Variants in ATXN3 observed in about 807,000 individuals in gnomAD.
ATXN3 encodes ataxin-3.
A neutral mutation model predicts 58.2 loss-of-function variants in ATXN3; 28 were observed. The ratio of observed to expected loss-of-function variants is 0.48; its 90% CI spans 0.36 to 0.66. The LOEUF is 0.66. Ranked by LOEUF, ATXN3 falls within the 30% of genes least tolerant of loss-of-function variation. The pLI is 0.00. For missense variants in ATXN3, 321 were observed against 422.1 expected, an observed-to-expected ratio of 0.76 and a Z score of 2.10; for synonymous variants, 113 against 138.5, an observed-to-expected ratio of 0.82 and a Z score of 1.29.
chr14:92,100,866 A>G (rs1337591126), intron 1 of ATXN3, among the ~76,000 whole-genome samples: 6 of 152,142 alleles, frequency 3.9e-5, no homozygotes, highest in Admixed American at 6.5e-5. Context: ...TCCTCTCTGT[A>G]TTGTATCTAA....
intron 6 of ATXN3, among the ~76,000 whole-genome samples, chr14:92,084,165 T>C (rs1595776239): frequency 6.6e-6 from 1 of 152,226 alleles, no homozygotes; most frequent in Non-Finnish European, 1.5e-5. Flanking sequence ...TACGAGTCGA[T>C]ACTCCTTAAT....
At chr14:92,055,939 TGACAGAAC>T (rs1312871498), downstream of ATXN3, among the ~76,000 whole-genome samples, 71 of 152,198 alleles carry the variant, frequency 4.7e-4, no homozygotes, top group African/African-American at 1.6e-3. The surrounding 1 kb of genome is among the most constrained non-coding windows in gnomAD (Gnocchi z 4.5). Flanking sequence ...CCAGCTTAGG[TGACAGAAC>T]GAGGCCCTGT....
At chr14:92,053,709 A>G (rs1165146887), downstream of ATXN3, among the ~76,000 whole-genome samples, 1 of 151,796 alleles carries the variant, frequency 6.6e-6, no homozygotes, top group Admixed American at 6.6e-5. Context: ...GTGTTGCTCA[A>G]GCTGGTCTCA....
At chr14:92,083,311 T>C (rs2061803709) in intron 6 of ATXN3, 53 bp from the exon 7 acceptor site, 6 of 1,527,932 alleles carry the variant, frequency 3.9e-6, no homozygotes, top group Non-Finnish European at 5.3e-6. Flanking sequence ...AGATTCAAAA[T>C]TGATGTAAAA....
intron 7 of ATXN3, among the ~76,000 whole-genome samples, chr14:92,082,870 G>C (rs983483082): frequency 6.6e-6 from 1 of 152,000 alleles, no homozygotes; most frequent in Middle Eastern, 3.4e-3. Flanking sequence ...GGCTGGTCTC[G>C]AACTCCTGGG....
intron 9 of ATXN3, among the ~76,000 whole-genome samples, chr14:92,073,377 T>C (rs1276621517): frequency 6.6e-6 from 1 of 152,008 alleles, no homozygotes; most frequent in African/African-American, 2.4e-5. Flanking sequence ...CAAGTAGGAT[T>C]CTGGTTACAA....
chr14:92,088,513 G>C (rs892043036), intron 6 of ATXN3, among the ~76,000 whole-genome samples: 2 of 152,200 alleles, frequency 1.3e-5, no homozygotes, highest in Non-Finnish European at 2.9e-5. Context: ...TAGAAGGGCT[G>C]CAAAGAAAGC....
At chr14:92,093,667 T>C in intron 4 of ATXN3, 79 bp downstream of exon 4, 6 of 1,120,542 alleles carry the variant, frequency 5.4e-6, no homozygotes, top group South Asian at 1.4e-5. Flanking sequence ...TCAAAATGTA[T>C]TTCTCTTCTT....
At chr14:92,106,241 C>G (rs992411253) in intron 1 of ATXN3, among the ~76,000 whole-genome samples, 13 of 152,216 alleles carry the variant, frequency 8.5e-5, no homozygotes, top group African/African-American at 3.1e-4. Context: ...CGGAGAAAGG[C>G]AGAAGCAAAC....
In ATXN3 at chr14:92,071,034, GTTGCTGCTT is replaced by G; in HGVS notation, c.883_891del (p.Lys295_Gln297del). 1 of 1,606,384 alleles carries G rather than the reference GTTGCTGCTT, an allele frequency of 6.2e-7. No individual in the cohort carries two copies. Among genetic ancestry groups the G allele is most frequent in the South Asian group, 1.1e-5 (1 of 90,590 alleles). Reference sequence around the variant, plus strand: ...CCCTGCTGCTGCTGCTGCTGCTGCTGTTGCTGCTTTTGCTGCTGTCTGAAACATTCAAAA... The same window carrying G: ...CCCTGCTGCTGCTGCTGCTGCTGCTGTTGCTGCTGTCTGAAACATTCAAAA... On this transcript the variant is annotated inframe_deletion, in exon 10 of 11. Transcript: ENST00000644486.
chr14:92,069,889 A>G (rs1399693586), intron 10 of ATXN3, among the ~76,000 whole-genome samples: 1 of 152,038 alleles, frequency 6.6e-6, no homozygotes, highest in African/African-American at 2.4e-5. Context: ...TGTCAGTTTT[A>G]TTTCTTCATT....
downstream of ATXN3, among the ~76,000 whole-genome samples, chr14:92,053,686 ATGAGGTCTCCCTGTGT>A (rs1300714475): frequency 2.0e-5 from 3 of 151,714 alleles, no homozygotes; most frequent in Admixed American, 6.6e-5. Flanking sequence ...TCTTGTAGAG[ATGAGGTCTCCCTGTGT>A]TGCTCAAGCT....
rs146481848 is a variant in ATXN3, at chr14:92,083,260, T to TA, written c.476-3dup. 2,879 of 1,226,336 alleles carry TA rather than the reference T, an allele frequency of 2.3e-3. No individual in the cohort carries two copies. Among genetic ancestry groups the TA allele is most frequent in the Admixed American group, 4.1e-3 (170 of 41,400 alleles). The allele number at this position is 1,226,336 out of a possible 1,614,324, so 76.0% of individuals were successfully genotyped here. ...CCTTAACGACAAATATAGAATAACC[T>TA]AAAAAAAAAAGGCAAAAATCAACCT... On this transcript the variant is annotated splice_polypyrimidine_tract_variant and splice_region_variant and intron_variant, in intron 6 of 10. Coordinates refer to ENST00000644486, the MANE Select transcript of ATXN3 (RefSeq NM_004993.6).
At position 92,058,616 on chromosome 14, in the gene ATXN3, C is replaced by G. The variant is rs186327684; in HGVS notation, c.*5704G>C. 28 of 152,272 alleles carry G rather than the reference C, an allele frequency of 1.8e-4. No individual in the cohort carries two copies. The highest frequency in any genetic ancestry group is 6.7e-4 in the African/African-American group (28 of 41,566). 9.4% of individuals were successfully genotyped at this position (152,272 alleles called of 1,614,324 possible). A position where few individuals can be genotyped will look rare whatever the true frequency, so the allele number is the denominator to read the frequency against. Reference sequence around the variant, plus strand: ...ATTTAAAATACAACTCATTGAACATCCACACTAACAACAGAATCCTGTGTT... The same window carrying G: ...ATTTAAAATACAACTCATTGAACATGCACACTAACAACAGAATCCTGTGTT... On this transcript the variant is annotated 3_prime_UTR_variant, in exon 11 of 11. Coordinates refer to ENST00000644486, the MANE Select transcript of ATXN3 (RefSeq NM_004993.6).
At position 92,070,744 on chromosome 14, in the gene ATXN3, C is replaced by CTTT. The variant is rs774529009; in HGVS notation, c.991+188_991+190dup. On this transcript the variant is annotated intron_variant, in intron 10 of 10. Transcript: ENST00000644486. Reference sequence around the variant, plus strand: ...TACAGATGTGAGCCACCACATCTAGCTTTTTTTTTTTTTTTTCTTTTGGTA... The same window carrying CTTT: ...TACAGATGTGAGCCACCACATCTAGCTTTTTTTTTTTTTTTTTTTCTTTTGGTA... 2.4e-4 allele frequency: 243 copies of CTTT among 1,017,104 alleles called. 8 individuals carry two copies. The highest frequency in any genetic ancestry group is 1.4e-3 in the South Asian group (69 of 49,354). The allele number at this position is 1,017,104 out of a possible 1,614,324, so 63.0% of individuals were successfully genotyped here. A position where few individuals can be genotyped will look rare whatever the true frequency, so the allele number is the denominator to read the frequency against.
chr14:92,093,835 T>C lies in ATXN3; in HGVS notation c.235-4A>G. The C allele has an allele frequency of 6.3e-7, 1 of 1,591,260 alleles. No homozygotes were observed. The highest frequency in any genetic ancestry group is 1.1e-5 in the South Asian group (1 of 90,474). On this transcript the variant is annotated splice_polypyrimidine_tract_variant and splice_region_variant and intron_variant, in intron 3 of 10. Coordinates refer to ENST00000644486, the MANE Select transcript of ATXN3 (RefSeq NM_004993.6). ...CTTTCAAGGCATTGCTTATAACCTG[T>C]TAAGAAAAATAGCAACTTTTCATAA...
chr14:92,068,869 T>C, intron 10 of ATXN3, among the ~76,000 whole-genome samples: 1 of 151,628 alleles, frequency 6.6e-6, no homozygotes, highest in Non-Finnish European at 1.5e-5. Flanking sequence ...GGATTACACG[T>C]GTGAGCCACC....
At chr14:92,090,529 T>G (rs1481488756) in intron 5 of ATXN3, 1 of 152,194 alleles carries the variant, frequency 6.6e-6, no homozygotes, top group African/African-American at 2.4e-5. Flanking sequence ...TTGACAATGT[T>G]AATACTTTTT....
chr14:92,080,918 A>T, intron 9 of ATXN3, 47 bp downstream of exon 9: 1 of 1,411,112 alleles, frequency 7.1e-7, no homozygotes. Context: ...CAAAATAGCC[A>T]AAGCAAATAT....
Sources: allele counts gnomAD v4.1 joint callset (sites outside exome capture counted in the v4.1 genomes callset), GRCh38; gene constraint gnomAD v4.1.1; non-coding constraint Gnocchi (gnomAD v3.1); transcripts MANE v1.5; gene names NCBI Gene and HGNC (gene_info 2026-07-23, HGNC 2026-07-21).